The following SGCZ variants were observed in gnomAD, a reference collection of about 807,000 sequenced individuals.
SGCZ encodes zeta-sarcoglycan.
A neutral mutation model predicts 41.3 loss-of-function variants in SGCZ; 40 were observed. The ratio of observed to expected loss-of-function variants is 0.97; its 90% CI spans 0.75 to 1.26. The LOEUF (loss-of-function observed/expected upper bound fraction) is 1.26. Among genes scored for constraint, SGCZ ranks in the 50% most tolerant of loss-of-function variants. The pLI, the probability that SGCZ is intolerant of heterozygous loss-of-function variation, is 0.00. For synonymous variants in SGCZ, 206 were observed against 137.5 expected, an observed-to-expected ratio of 1.50 and a Z score of -3.49; for missense variants, 552 against 369.8, an observed-to-expected ratio of 1.49 and a Z score of -4.04.
chr8:14,127,600 C>T (rs1038120030), intron 5 of SGCZ, among the ~76,000 whole-genome samples: 2 of 151,970 alleles, frequency 1.3e-5, no homozygotes, highest in Non-Finnish European at 1.5e-5. Flanking sequence ...GGACTACAGG[C>T]ACCCACTACC....
chr8:14,714,837 T>A (rs1809635570), intron 1 of SGCZ, among the ~76,000 whole-genome samples: 1 of 152,132 alleles, frequency 6.6e-6, no homozygotes, highest in South Asian at 2.1e-4. Flanking sequence ...ATCCTCAGAG[T>A]CAGATATTGG....
chr8:14,189,483 A>T (rs1805021307), intron 4 of SGCZ, among the ~76,000 whole-genome samples: 1 of 152,158 alleles, frequency 6.6e-6, no homozygotes. Flanking sequence ...CATTTCTTAA[A>T]CACAATGACT....
intron 1 of SGCZ, among the ~76,000 whole-genome samples, chr8:14,877,505 T>C (rs1443549518): frequency 6.6e-6 from 1 of 152,204 alleles, no homozygotes; most frequent in East Asian, 1.9e-4. Flanking sequence ...AGGCATTTGA[T>C]TTGTATTCCA....
chr8:14,732,322 T>C (rs1798888093), intron 1 of SGCZ, among the ~76,000 whole-genome samples: 1 of 152,134 alleles, frequency 6.6e-6, no homozygotes, highest in African/African-American at 2.4e-5. Context: ...AATATCTGGG[T>C]GTGGACTCTC....
intron 1 of SGCZ, among the ~76,000 whole-genome samples, chr8:15,123,906 C>G (rs1162921610): frequency 1.3e-5 from 2 of 151,746 alleles, no homozygotes; most frequent in Non-Finnish European, 2.9e-5. Context: ...AAAGTGAACG[C>G]TGGAGTGCTG....
At chr8:14,285,089 T>C (rs1800577987) in intron 3 of SGCZ, among the ~76,000 whole-genome samples, 1 of 152,192 alleles carries the variant, frequency 6.6e-6, no homozygotes, top group South Asian at 2.1e-4. Context: ...TTGCCTTTAA[T>C]AAGGCTAAGA....
At chr8:14,611,579 T>C in intron 1 of SGCZ, among the ~76,000 whole-genome samples, 1 of 152,158 alleles carries the variant, frequency 6.6e-6, no homozygotes, top group East Asian at 1.9e-4. Context: ...TTTTGTCCTT[T>C]GCTGGAAAAC....
At chr8:14,584,693 G>C (rs1483819046) in intron 1 of SGCZ, among the ~76,000 whole-genome samples, 1 of 151,988 alleles carries the variant, frequency 6.6e-6, no homozygotes, top group Non-Finnish European at 1.5e-5. Context: ...ATAGTATCTA[G>C]AGTAGTACCT....
At chr8:14,402,490 T>G (rs1430881812) in intron 2 of SGCZ, among the ~76,000 whole-genome samples, 1 of 151,034 alleles carries the variant, frequency 6.6e-6, no homozygotes, top group African/African-American at 2.5e-5. Flanking sequence ...GGGATCCAGT[T>G]TCAGCTTTCT....
rs142136870 is a variant in SGCZ at position 14,102,421 on chromosome 8, C to G, written c.699G>C (p.Lys233Asn). ...VQVSAAAGDF[K>N]ATCRKELHLQ... The stretch of plus-strand genomic sequence containing the variant: ...GATGGAGCTCCTTCCTGCAGGTGGC[C>G]TTGAAGTCTCCTGCAGCAGCACTCA... The change falls in exon 7 of 8, where the codon AAG (lysine) becomes AAC (asparagine). Residue 233 changes from lysine to asparagine, a missense_variant. Lys to Asn is a moderately conservative substitution (Grantham distance 94). Transcript: ENST00000382080. 123 of 1,533,962 alleles carry G rather than the reference C, an allele frequency of 8.0e-5. No individual in the cohort carries two copies. The highest frequency in any genetic ancestry group is 5.7e-4 in the Middle Eastern group (3 of 5,308).
At chr8:15,013,453 T>C (rs375259934) in intron 1 of SGCZ, among the ~76,000 whole-genome samples, 28 of 152,204 alleles carry the variant, frequency 1.8e-4, no homozygotes, top group Admixed American at 3.3e-4. Flanking sequence ...TGGCCACAAA[T>C]AGTTCCTCAA....
intron 1 of SGCZ, among the ~76,000 whole-genome samples, chr8:14,837,300 G>T (rs780314987): frequency 1.5e-4 from 23 of 152,220 alleles, no homozygotes; most frequent in Non-Finnish European, 3.2e-4. Flanking sequence ...AATGATCCAT[G>T]AAAAGGTCTG....
chr8:14,596,488 A>G (rs1330961043), intron 1 of SGCZ, among the ~76,000 whole-genome samples: 1 of 152,234 alleles, frequency 6.6e-6, no homozygotes, highest in South Asian at 2.1e-4. Context: ...AAACAATTTC[A>G]TATGGTTTAA....
chr8:14,205,183 T>C (rs1805579844), intron 4 of SGCZ, among the ~76,000 whole-genome samples: 2 of 141,086 alleles, frequency 1.4e-5, no homozygotes, highest in South Asian at 4.6e-4. Context: ...TTTTTTTTTT[T>C]CACTTCTTAA....
intron 1 of SGCZ, among the ~76,000 whole-genome samples, chr8:14,689,192 C>T (rs528361339): frequency 1.3e-5 from 2 of 151,998 alleles, no homozygotes; most frequent in East Asian, 3.9e-4. Flanking sequence ...AGGGCTTATG[C>T]TTTTATACAC....
intron 2 of SGCZ, among the ~76,000 whole-genome samples, chr8:14,324,918 T>C (rs923967769): frequency 6.6e-6 from 1 of 152,124 alleles, no homozygotes; most frequent in South Asian, 2.1e-4. Context: ...ACAGGGAAGG[T>C]CCCTGGAGGG....
chr8:14,438,517 A>G (rs1002249345), intron 2 of SGCZ, among the ~76,000 whole-genome samples: 1 of 151,948 alleles, frequency 6.6e-6, no homozygotes, highest in African/African-American at 2.4e-5. Flanking sequence ...TCTATTCTAG[A>G]CTTGTACATG....
At chr8:14,595,635 C>A (rs1417199976) in intron 1 of SGCZ, among the ~76,000 whole-genome samples, 1 of 152,146 alleles carries the variant, frequency 6.6e-6, no homozygotes, top group Non-Finnish European at 1.5e-5. Flanking sequence ...TCTCCCTTCC[C>A]TCCTTTTATG....
At chr8:14,997,902 G>C (rs1277247784) in intron 1 of SGCZ, among the ~76,000 whole-genome samples, 1 of 152,160 alleles carries the variant, frequency 6.6e-6, no homozygotes, top group African/African-American at 2.4e-5. Flanking sequence ...GGAGGTTGCA[G>C]TGAGCCGAGA....
Sources: allele counts gnomAD v4.1 joint callset (sites outside exome capture counted in the v4.1 genomes callset), GRCh38; gene constraint gnomAD v4.1.1; transcripts MANE v1.5; gene names NCBI Gene and HGNC (gene_info 2026-07-23, HGNC 2026-07-21).